The following SLC8A1 variants were observed in gnomAD, a reference collection of about 807,000 sequenced individuals.
SLC8A1 encodes sodium/calcium exchanger 1.
Under a neutral mutation model 68.3 loss-of-function variants are expected in SLC8A1, and 18 were observed. The observed-to-expected ratio is 0.26, with a 90% confidence interval of 0.18 to 0.39. SLC8A1 has a LOEUF of 0.39. SLC8A1 is among the 10% of genes least tolerant of loss of function. The probability of loss-of-function intolerance (pLI) is 1.00; values close to 1 mark genes in which losing one functional copy is unlikely to be tolerated. For missense variants in SLC8A1, 985 were observed against 1,156.7 expected (o/e 0.85, Z 2.15); for synonymous variants, 475 against 415.5 (o/e 1.14, Z -1.74).
At chr2:40,224,670 T>G (rs1427049302) in intron 2 of SLC8A1, among the ~76,000 whole-genome samples, 3 of 152,118 alleles carry the variant, frequency 2.0e-5, no homozygotes, top group Non-Finnish European at 4.4e-5. Flanking sequence ...CAAGTGATAT[T>G]TTTAAAGCTG....
chr2:40,256,420 T>C (rs553164787), intron 2 of SLC8A1, among the ~76,000 whole-genome samples: 79 of 152,330 alleles, frequency 5.2e-4, no homozygotes, highest in African/African-American at 1.8e-3. Context: ...TATACACATA[T>C]ATGCATTTAC....
chr2:40,459,137 C>A (rs1320535676), intron 1 of SLC8A1, among the ~76,000 whole-genome samples: 6 of 152,174 alleles, frequency 3.9e-5, no homozygotes, highest in Middle Eastern at 3.4e-3. Context: ...GACTCACATT[C>A]TAGTGAAAAA....
chr2:40,178,596 A>T, intron 2 of SLC8A1, 103 bp from the exon 3 acceptor site: 2 of 934,400 alleles, frequency 2.1e-6, no homozygotes, highest in South Asian at 1.4e-5. Context: ...CTTTCAGACA[A>T]ACAGTAATCG....
chr2:40,448,297 AAG>A (rs1701821661), intron 1 of SLC8A1, among the ~76,000 whole-genome samples: 1 of 152,104 alleles, frequency 6.6e-6, no homozygotes, highest in Non-Finnish European at 1.5e-5. Context: ...AAGAGAGAAA[AAG>A]AGATTTTGGA....
chr2:40,245,747 A>AAAAC (rs2061784263), intron 2 of SLC8A1, among the ~76,000 whole-genome samples: 1 of 152,186 alleles, frequency 6.6e-6, no homozygotes, highest in Non-Finnish European at 1.5e-5. Flanking sequence ...TATATTGTGA[A>AAAAC]AAACACATTT....
At chr2:40,487,673 CA>C (rs1705056390) in intron 1 of SLC8A1, among the ~76,000 whole-genome samples, 1 of 152,068 alleles carries the variant, frequency 6.6e-6, no homozygotes, top group Admixed American at 6.6e-5. Flanking sequence ...TAAGAATAAC[CA>C]AAACTGTCTA....
chr2:40,320,337 C>T (rs1277859906), intron 2 of SLC8A1, among the ~76,000 whole-genome samples: 4 of 152,024 alleles, frequency 2.6e-5, no homozygotes, highest in Admixed American at 2.6e-4. Flanking sequence ...CAACCTTGTC[C>T]TCCAACATGA....
At chr2:40,384,031 T>C (rs1682779709) in intron 2 of SLC8A1, among the ~76,000 whole-genome samples, 1 of 151,826 alleles carries the variant, frequency 6.6e-6, no homozygotes, top group Non-Finnish European at 1.5e-5. Context: ...GAGGTTGAAA[T>C]GGGAAGATTG....
intron 1 of SLC8A1, among the ~76,000 whole-genome samples, chr2:40,451,493 T>G (rs1377435456): frequency 6.6e-6 from 1 of 152,072 alleles, no homozygotes; most frequent in African/African-American, 2.4e-5. Context: ...AAGAGTCCAG[T>G]GGGTGGGGAC....
intron 1 of SLC8A1, among the ~76,000 whole-genome samples, chr2:40,501,872 C>G (rs1706079956): frequency 6.6e-6 from 1 of 152,018 alleles, no homozygotes. Context: ...CTCAGATTAT[C>G]TTATAACCAG....
chr2:40,154,336 C>T (rs1364259299), intron 6 of SLC8A1, among the ~76,000 whole-genome samples: 1 of 111,490 alleles, frequency 9.0e-6, no homozygotes, highest in Non-Finnish European at 1.7e-5. Flanking sequence ...CGGAGTCTTG[C>T]TCTGTCACCC....
chr2:40,134,986 G>C lies in SLC8A1; in HGVS notation c.2437+4415C>G, dbSNP rs552250137. Among the ~76,000 whole-genome samples the C allele has an allele frequency of 3.9e-5, 6 of 152,308 alleles. No homozygotes were observed. In the South Asian group the frequency reaches 1.2e-3, roughly 32 times the overall value. On this transcript the variant is annotated intron_variant, in intron 7 of 7. Transcript: ENST00000406785. ...GGTGATTATGAAAGGACTCTTTAAAGATATCATTTAAGATGAGATGTAATT... is the reference window on the plus strand; with the variant it reads ...GGTGATTATGAAAGGACTCTTTAAACATATCATTTAAGATGAGATGTAATT...
chr2:40,298,309 T>C (rs551978410), intron 2 of SLC8A1, among the ~76,000 whole-genome samples: 1 of 152,318 alleles, frequency 6.6e-6, no homozygotes, highest in South Asian at 2.1e-4. Context: ...CCACCAAAAC[T>C]CCGGCTAGCA....
intron 2 of SLC8A1, among the ~76,000 whole-genome samples, chr2:40,354,277 A>T (rs2149455643): frequency 6.6e-6 from 1 of 152,290 alleles, no homozygotes; most frequent in Middle Eastern, 3.4e-3. Context: ...AATTTGCATT[A>T]TTATAACTGA....
intron 2 of SLC8A1, among the ~76,000 whole-genome samples, chr2:40,393,624 G>A (rs1009570842): frequency 6.6e-6 from 1 of 152,086 alleles, no homozygotes; most frequent in African/African-American, 2.4e-5. Context: ...ACCCATATGA[G>A]GGTGCTCCCA....
chr2:40,212,826 C>T (rs2056847907), intron 2 of SLC8A1, among the ~76,000 whole-genome samples: 1 of 152,174 alleles, frequency 6.6e-6, no homozygotes, highest in Admixed American at 6.5e-5. Context: ...AACAGTGCTG[C>T]CTTCTGCTAT....
chr2:40,431,999 C>A (rs537829544), intron 1 of SLC8A1, among the ~76,000 whole-genome samples: 7 of 152,160 alleles, frequency 4.6e-5, no homozygotes, highest in African/African-American at 1.7e-4. Flanking sequence ...GAATTCAAAA[C>A]TAAGTAAAAG....
exon 8 of SLC8A1, chr2:40,107,782 G>A (rs1490550180): frequency 2.6e-5 from 4 of 152,130 alleles, no homozygotes; most frequent in South Asian, 2.1e-4. Context: ...GTGTGTCTCT[G>A]GGCTGTATGC....
At chr2:40,120,314 C>G (rs565311215) in intron 7 of SLC8A1, among the ~76,000 whole-genome samples, 2 of 152,180 alleles carry the variant, frequency 1.3e-5, no homozygotes, top group African/African-American at 4.8e-5. Context: ...GGTCTGCTTG[C>G]TTCTCCCAGC....
Sources: allele counts gnomAD v4.1 joint callset (sites outside exome capture counted in the v4.1 genomes callset), GRCh38; gene constraint gnomAD v4.1.1; transcripts MANE v1.5; gene names NCBI Gene and HGNC (gene_info 2026-07-23, HGNC 2026-07-21).